LYPD1: variants seen among roughly 807,000 people sequenced by gnomAD.
LYPD1 encodes LY6/PLAUR domain containing 1.
LYPD1 carries 14 observed loss-of-function variants against 14.2 expected under a neutral mutation model. The observed-to-expected ratio is 0.99, with a 90% CI of 0.65 to 1.54. LYPD1 has a LOEUF of 1.54. LYPD1 is among the 40% of genes most tolerant of loss of function. LYPD1 has a pLI of 0.00. For missense variants in LYPD1, 165 were observed against 175.7 expected (o/e 0.94, Z 0.34); for synonymous variants, 85 against 70.6 (o/e 1.20, Z -1.02).
At chr2:132,666,153 C>T (rs1463238534) in intron 2 of LYPD1, among the ~76,000 whole-genome samples, 1 of 152,154 alleles carries the variant, frequency 6.6e-6, no homozygotes, top group South Asian at 2.1e-4. Context: ...CGCTCAACAA[C>T]AGTTAGCTCT....
chr2:132,645,252 C>T lies in LYPD1; in HGVS notation c.*793G>A. On this transcript the variant is annotated 3_prime_UTR_variant, in exon 3 of 3. Transcript: ENST00000397463. ...TCTCGGAGACGTTTTTCTACCTCAG[C>T]TCGGTCATCAACCCGCTCCTGTACA... 4.3e-6 allele frequency: 7 copies of T among 1,614,170 alleles called. No homozygotes were observed. The highest frequency in any genetic ancestry group is 5.1e-6 in the Non-Finnish European group (6 of 1,180,032).
chr2:132,663,636 TG>T (rs1683095275), intron 2 of LYPD1, among the ~76,000 whole-genome samples: 1 of 152,202 alleles, frequency 6.6e-6, no homozygotes, highest in African/African-American at 2.4e-5. Flanking sequence ...TGTGGAACTT[TG>T]TTTTTGTTTT....
At chr2:132,654,839 A>G (rs1413716982) in intron 2 of LYPD1, among the ~76,000 whole-genome samples, 2 of 151,828 alleles carry the variant, frequency 1.3e-5, no homozygotes, top group Non-Finnish European at 2.9e-5. Flanking sequence ...ACCTACACCT[A>G]CCAGGTTCAA....
intron 2 of LYPD1, among the ~76,000 whole-genome samples, chr2:132,663,918 T>C (rs1370161260): frequency 2.0e-5 from 3 of 152,240 alleles, no homozygotes; most frequent in African/African-American, 7.2e-5. Context: ...AAGGAATTTG[T>C]GATCTCAGTA....
At chr2:132,666,472 T>C (rs971011011) in intron 2 of LYPD1, among the ~76,000 whole-genome samples, 13 of 152,304 alleles carry the variant, frequency 8.5e-5, no homozygotes, top group African/African-American at 3.1e-4. Flanking sequence ...AACTTCACAA[T>C]TGAAACTGCC....
Position 132,668,448 on chromosome 2 carries a change from C to G in LYPD1, c.142G>C (p.Val48Leu). Residue 48 changes from valine to leucine, a missense_variant, in exon 2 of 3, where the codon GTG (valine) becomes CTG (leucine). Coordinates refer to ENST00000397463, the MANE Select transcript of LYPD1 (RefSeq NM_144586.7). Reference sequence around the variant, plus strand: ...TTCTGACACATGTCTTGAACGTTCACCGTGCAATTCACAATGAACTCGGGG... The same window carrying G: ...TTCTGACACATGTCTTGAACGTTCAGCGTGCAATTCACAATGAACTCGGGG... ...SSPEFIVNCT[V>L]NVQDMCQKEV... 1 of 1,610,296 alleles carries G rather than the reference C, an allele frequency of 6.2e-7. No homozygotes were observed. The highest frequency in any genetic ancestry group is 1.1e-5 in the South Asian group (1 of 90,230).
rs531085544 is a variant in LYPD1, at chr2:132,646,543, G to T, written c.191-263C>A. 9 of 361,208 alleles carry T rather than the reference G, an allele frequency of 2.5e-5. No homozygotes were observed. In the South Asian group the frequency reaches 1.3e-3, roughly 53 times the overall value. The allele number at this position is 361,208 out of a possible 1,614,324, so 22.4% of individuals were successfully genotyped here. A position where few individuals can be genotyped will look rare whatever the true frequency, so the allele number is the denominator to read the frequency against. On this transcript the variant is annotated intron_variant, in intron 2 of 2. Coordinates refer to ENST00000397463, the MANE Select transcript of LYPD1 (RefSeq NM_144586.7). ...ACCTGTGAATACCTGTTAATAAAGAGCTGTTAAATAGACTTATTTACATTT... is the reference window on the plus strand; with the variant it reads ...ACCTGTGAATACCTGTTAATAAAGATCTGTTAAATAGACTTATTTACATTT...
chr2:132,652,699 A>G (rs190570267), intron 2 of LYPD1, among the ~76,000 whole-genome samples: 171 of 152,304 alleles, frequency 1.1e-3, no homozygotes, highest in African/African-American at 4.0e-3. Context: ...CCCATGGAAC[A>G]CACCACCCAC....
At chr2:132,655,294 A>G (rs1464335848) in intron 2 of LYPD1, among the ~76,000 whole-genome samples, 2 of 152,000 alleles carry the variant, frequency 1.3e-5, no homozygotes, top group African/African-American at 4.8e-5. Context: ...TCCCCAAGTA[A>G]TTCCCTCCAA....
chr2:132,663,864 A>T (rs1683110393), intron 2 of LYPD1, among the ~76,000 whole-genome samples: 1 of 152,194 alleles, frequency 6.6e-6, no homozygotes, highest in Non-Finnish European at 1.5e-5. Context: ...TAAAATAAAA[A>T]AATCTTAGAA....
At position 132,655,514 on chromosome 2, in the gene LYPD1, A is replaced by ATTTTT. The variant is rs1180944589; in HGVS notation, c.191-9239_191-9235dup. On this transcript the variant is annotated intron_variant, in intron 2 of 2. Transcript: ENST00000397463. ...ATGATTCTCTTGGGGGTTGAGAAGCATTTTTTTTTTTTTTTTTTGAGATGG... is the reference window on the plus strand; with the variant it reads ...ATGATTCTCTTGGGGGTTGAGAAGCATTTTTTTTTTTTTTTTTTTTTTTGAGATGG... Among the ~76,000 whole-genome samples the ATTTTT allele has an allele frequency of 6.0e-5, 6 of 99,494 alleles. 2 individuals carry two copies. The highest frequency in any genetic ancestry group is 5.4e-5 in the Non-Finnish European group (3 of 55,110). 65.3% of individuals were successfully genotyped at this position (99,494 alleles called of 152,430 possible). A position where few individuals can be genotyped will look rare whatever the true frequency, so the allele number is the denominator to read the frequency against.
At chr2:132,657,805 C>A (rs1558881520) in intron 2 of LYPD1, among the ~76,000 whole-genome samples, 1 of 152,110 alleles carries the variant, frequency 6.6e-6, no homozygotes, top group Non-Finnish European at 1.5e-5. Flanking sequence ...TTTCAGCGTT[C>A]AATTGAGGTA....
intron 2 of LYPD1, among the ~76,000 whole-genome samples, chr2:132,658,965 TG>T: frequency 6.6e-6 from 1 of 152,112 alleles, no homozygotes; most frequent in East Asian, 1.9e-4. Context: ...TGTGTGTGTG[TG>T]TGTGTGTTTC....
At chr2:132,658,496 T>G (rs1330325667) in intron 2 of LYPD1, among the ~76,000 whole-genome samples, 2 of 152,196 alleles carry the variant, frequency 1.3e-5, no homozygotes, top group Non-Finnish European at 2.9e-5. Context: ...CATAGCTGCC[T>G]TGGCCTTCCA....
chr2:132,668,654 C>CT, intron 1 of LYPD1, 117 bp from the exon 2 acceptor site: 1 of 1,383,500 alleles, frequency 7.2e-7, no homozygotes, highest in Non-Finnish European at 9.6e-7. Context: ...GCTTAGACCA[C>CT]TCCTGGGTCT....
At position 132,669,981 on chromosome 2, in the gene LYPD1, G is replaced by A; in HGVS notation, c.-49C>T. 1 of 1,601,060 alleles carries A rather than the reference G, an allele frequency of 6.2e-7. No homozygotes were observed. ...AGAGGGCAAGCGCATCAGAGGAGGCGACAGCAGCGGAGGCTGCCCCGGCTG... is the reference window on the plus strand; with the variant it reads ...AGAGGGCAAGCGCATCAGAGGAGGCAACAGCAGCGGAGGCTGCCCCGGCTG... On this transcript the variant is annotated 5_prime_UTR_variant, in exon 1 of 3. Coordinates refer to ENST00000397463, the MANE Select transcript of LYPD1 (RefSeq NM_144586.7). The surrounding 1 kb of genome is among the most constrained non-coding windows in gnomAD (Gnocchi z 4.3).
rs541179277 is a variant in LYPD1 at position 132,650,532 on chromosome 2, G to A, written c.191-4252C>T. Among the ~76,000 whole-genome samples, 36 of 152,210 alleles carry A rather than the reference G, an allele frequency of 2.4e-4. No homozygotes were observed. In the South Asian group the frequency reaches 7.5e-3, roughly 32 times the overall value. ...AAGGTTATTCATGGTAGAGTAGAGT[G>A]TCATGGCAAAAGAATAGACCATCAC... On this transcript the variant is annotated intron_variant, in intron 2 of 2. Transcript: ENST00000397463.
Position 132,645,468 on chromosome 2 carries a change from T to C in LYPD1, c.*577A>G. 2 of 1,613,938 alleles carry C rather than the reference T, an allele frequency of 1.2e-6. No homozygotes were observed. The highest frequency in any genetic ancestry group is 1.7e-6 in the Non-Finnish European group (2 of 1,180,020). ...CCTCTGCAAGGAGAACTGAGAAGAT[T>C]TTCTTAAGCACTTTTCAGAGCGAGG... On this transcript the variant is annotated 3_prime_UTR_variant, in exon 3 of 3. Coordinates refer to ENST00000397463, the MANE Select transcript of LYPD1 (RefSeq NM_144586.7).
chr2:132,643,390 T>C lies in LYPD1; in HGVS notation c.*2655A>G, dbSNP rs937975581. ...GTTTCCAAGGCCTTCCTTGCTCACA[T>C]ATGGATTTGTGGAGGATTTGAACAC... On this transcript the variant is annotated 3_prime_UTR_variant, in exon 3 of 3. Coordinates refer to ENST00000397463, the MANE Select transcript of LYPD1 (RefSeq NM_144586.7). Among the ~76,000 whole-genome samples, 9 of 152,168 alleles carry C rather than the reference T, an allele frequency of 5.9e-5. No homozygotes were observed. The highest frequency in any genetic ancestry group is 7.4e-5 in the Non-Finnish European group (5 of 68,024).
Sources: gnomAD v4.1 joint callset for allele counts (sites outside exome capture counted in the v4.1 genomes callset) on GRCh38, gnomAD v4.1.1 for gene constraint, Gnocchi (gnomAD v3.1) non-coding constraint, MANE v1.5 for transcripts, NCBI Gene and HGNC (gene_info 2026-07-23, HGNC 2026-07-21) for gene names.